Variants in ZCCHC7 observed in about 807,000 individuals in gnomAD.
ZCCHC7 encodes zinc finger CCHC-type containing 7, also known as zinc finger CCHC domain-containing protein 7.
In ZCCHC7, 35 loss-of-function variants were observed where a neutral mutation model predicts 52.0. The observed-to-expected ratio is 0.67, with a 90% CI of 0.51 to 0.89. The LOEUF is 0.89. ZCCHC7 is among the 40% of genes least tolerant of loss of function. The pLI, the probability that ZCCHC7 is intolerant of heterozygous loss-of-function variation, is 0.00. For missense variants in ZCCHC7, 574 were observed against 649.1 expected (o/e 0.88, Z 1.26); for synonymous variants, 217 against 221.5 (o/e 0.98, Z 0.18).
chr9:37,185,926 A>T (rs1822628931), intron 2 of ZCCHC7, among the ~76,000 whole-genome samples: 3 of 95,304 alleles, frequency 3.1e-5, no homozygotes, highest in South Asian at 6.4e-4. Flanking sequence ...CATGCATTTT[A>T]TTTATTTATT....
chr9:37,210,528 G>T (rs980747749), intron 2 of ZCCHC7, among the ~76,000 whole-genome samples: 4 of 152,036 alleles, frequency 2.6e-5, no homozygotes, highest in Admixed American at 2.6e-4. Context: ...AATGAACAAG[G>T]TTTATTTCAT....
chr9:37,132,821 T>C (rs1842845880), intron 2 of ZCCHC7, among the ~76,000 whole-genome samples: 1 of 152,126 alleles, frequency 6.6e-6, no homozygotes, highest in South Asian at 2.1e-4. Flanking sequence ...AAAACACTAA[T>C]ACTGACAGTA....
Position 37,357,159 on chromosome 9 carries a change from A to G in ZCCHC7, c.1523A>G (p.Lys508Arg), listed in dbSNP as rs137970405. The change falls in exon 9 of 9, where the codon AAG becomes AGG. Residue 508 changes from lysine (K) to arginine (R), a missense_variant. This residue lies in a region of ZCCHC7 where 168 missense variants were observed against 171.6 expected (regional missense o/e 0.98). Transcript: ENST00000336755. ...SSHYHTSREDKSPKEGKRGKQ... is the reference protein window; with the variant it reads ...SSHYHTSREDRSPKEGKRGKQ... ...CATTACCACACGTCAAGAGAAGACA[A>G]GTCTCCCAAGGAAGGCAAGAGGGGC... 41 of 1,613,486 alleles carry G rather than the reference A, an allele frequency of 2.5e-5. No homozygotes were observed. The highest frequency in any genetic ancestry group is 1.6e-4 in the Middle Eastern group (1 of 6,084).
chr9:37,146,343 A>G (rs757667395), intron 2 of ZCCHC7, among the ~76,000 whole-genome samples: 2 of 151,866 alleles, frequency 1.3e-5, no homozygotes, highest in Non-Finnish European at 2.9e-5. Context: ...ATATTTGTGT[A>G]TCCAATTTTC....
At chr9:37,151,760 GT>G (rs1820544104) in intron 2 of ZCCHC7, among the ~76,000 whole-genome samples, 1 of 152,068 alleles carries the variant, frequency 6.6e-6, no homozygotes, top group South Asian at 2.1e-4. Flanking sequence ...AGCCGAGATT[GT>G]GCCACTGCAC....
At chr9:37,210,162 T>A (rs1457200330) in intron 2 of ZCCHC7, among the ~76,000 whole-genome samples, 1 of 152,208 alleles carries the variant, frequency 6.6e-6, no homozygotes, top group East Asian at 1.9e-4. Context: ...CTCCCTGGCT[T>A]CTTTTTTGTC....
intron 2 of ZCCHC7, among the ~76,000 whole-genome samples, chr9:37,140,655 C>A (rs571886012): frequency 2.2e-4 from 33 of 151,896 alleles, no homozygotes; most frequent in Non-Finnish European, 4.3e-4. Flanking sequence ...ATTATCAGAT[C>A]TAACAGAAGA....
intron 2 of ZCCHC7, among the ~76,000 whole-genome samples, chr9:37,172,929 G>T (rs921822560): frequency 6.6e-6 from 1 of 151,886 alleles, no homozygotes; most frequent in Admixed American, 6.6e-5. Context: ...AGTGAGCAAC[G>T]TGGGCATTCC....
intron 2 of ZCCHC7, among the ~76,000 whole-genome samples, chr9:37,272,491 TAA>T (rs551495038): frequency 7.4e-4 from 72 of 97,820 alleles, no homozygotes; most frequent in Middle Eastern, 5.2e-3. Context: ...AGCTGTGTGG[TAA>T]AAAAAAAAAA....
chr9:37,355,548 G>C (rs958319212), intron 8 of ZCCHC7, among the ~76,000 whole-genome samples: 4 of 152,102 alleles, frequency 2.6e-5, no homozygotes, highest in Non-Finnish European at 5.9e-5. Flanking sequence ...GGAAAATAGA[G>C]TTATTACTCT....
At chr9:37,215,442 G>GA (rs1174295394) in intron 2 of ZCCHC7, among the ~76,000 whole-genome samples, 8 of 152,054 alleles carry the variant, frequency 5.3e-5, no homozygotes, top group Non-Finnish European at 1.2e-4. Context: ...ATCTTTAAAG[G>GA]AAAAAAATTT....
intron 2 of ZCCHC7, among the ~76,000 whole-genome samples, chr9:37,149,953 T>A (rs1252853303): frequency 6.6e-6 from 1 of 152,220 alleles, no homozygotes; most frequent in Admixed American, 6.5e-5. Flanking sequence ...CATCACTGCT[T>A]GACGCAAACA....
chr9:37,214,328 C>T (rs1000171911), intron 2 of ZCCHC7, among the ~76,000 whole-genome samples: 36 of 152,022 alleles, frequency 2.4e-4, no homozygotes, highest in Middle Eastern at 3.4e-3. Flanking sequence ...ATCCCAGATT[C>T]GGTTTTTCTA....
chr9:37,345,931 C>T (rs149470296), intron 6 of ZCCHC7, among the ~76,000 whole-genome samples: 2 of 152,080 alleles, frequency 1.3e-5, no homozygotes, highest in Non-Finnish European at 2.9e-5. Flanking sequence ...GGAATAAGAG[C>T]TGAAAGTAAA....
intron 2 of ZCCHC7, among the ~76,000 whole-genome samples, chr9:37,196,571 T>C (rs1823299529): frequency 6.6e-6 from 1 of 152,302 alleles, no homozygotes; most frequent in East Asian, 1.9e-4. Context: ...TTGTTTGATT[T>C]TTCTATTTTG....
At chr9:37,320,863 TAGA>T (rs1830019230) in intron 5 of ZCCHC7, among the ~76,000 whole-genome samples, 1 of 152,162 alleles carries the variant, frequency 6.6e-6, no homozygotes, top group Non-Finnish European at 1.5e-5. Context: ...TGATTGTACA[TAGA>T]AGGAGTTTAA....
chr9:37,134,839 C>T (rs779163571), intron 2 of ZCCHC7, among the ~76,000 whole-genome samples: 1 of 152,180 alleles, frequency 6.6e-6, no homozygotes, highest in African/African-American at 2.4e-5. Flanking sequence ...GATTCTTCTG[C>T]CTCAGCCTCC....
chr9:37,249,667 T>G (rs980911509), intron 2 of ZCCHC7, among the ~76,000 whole-genome samples: 1 of 151,910 alleles, frequency 6.6e-6, no homozygotes. Context: ...GCCAGGGTGG[T>G]CTCAATCTGT....
intron 5 of ZCCHC7, among the ~76,000 whole-genome samples, chr9:37,323,196 T>C (rs1830118518): frequency 6.6e-6 from 1 of 152,216 alleles, no homozygotes; most frequent in African/African-American, 2.4e-5. Flanking sequence ...TACATTTTAC[T>C]AGCTCTTACA....
Sources: gnomAD v4.1 joint callset for allele counts (sites outside exome capture counted in the v4.1 genomes callset) on GRCh38, gnomAD v4.1.1 for gene constraint, gnomAD v4.1.1 regional missense constraint, MANE v1.5 for transcripts, NCBI Gene and HGNC (gene_info 2026-07-23, HGNC 2026-07-21) for gene names.